Variants in XPO7 observed in about 807,000 individuals in gnomAD.
XPO7 encodes the protein exportin 7.
A neutral mutation model predicts 144.3 loss-of-function variants in XPO7; 21 were observed. That is an observed-to-expected ratio of 0.15 (90% CI 0.10 to 0.21). The LOEUF (loss-of-function observed/expected upper bound fraction) is 0.21, where lower values mean the gene tolerates loss of function less well. Among genes scored for constraint, XPO7 ranks in the 10% least tolerant of loss-of-function variants. The probability of loss-of-function intolerance (pLI) is 1.00; values close to 1 mark genes in which losing one functional copy is unlikely to be tolerated. For synonymous variants in XPO7, 580 were observed against 499.6 expected, an observed-to-expected ratio of 1.16 and a Z score of -2.15; for missense variants, 808 against 1,325.8, an observed-to-expected ratio of 0.61 and a Z score of 6.06.
At chr8:21,989,323 C>T (rs1276260229) in intron 16 of XPO7, among the ~76,000 whole-genome samples, 4 of 152,216 alleles carry the variant, frequency 2.6e-5, no homozygotes, top group African/African-American at 9.6e-5. Flanking sequence ...CTGTCTATTC[C>T]TAAGTTCCAG....
intron 1 of XPO7, among the ~76,000 whole-genome samples, chr8:21,952,252 G>A (rs1811398028): frequency 6.6e-6 from 1 of 151,866 alleles, no homozygotes; most frequent in Non-Finnish European, 1.5e-5. Flanking sequence ...TAGGTAGATA[G>A]GTAGCAACAA....
chr8:21,999,635 T>A lies in XPO7; in HGVS notation c.2743T>A (p.Tyr915Asn). The A allele has an allele frequency of 6.2e-7, 1 of 1,614,050 alleles. No individual in the cohort carries two copies. The highest frequency in any genetic ancestry group is 8.5e-7 in the Non-Finnish European group (1 of 1,179,906). The change falls in exon 24 of 28, where the codon TAT (tyrosine) becomes AAT (asparagine). Residue 915 changes from tyrosine (Y) to asparagine (N), a missense_variant. Tyr to Asn is a moderately radical substitution (Grantham distance 143). Transcript: ENST00000252512. ...IASLEPHVIM[Y>N]ILSSISEGLT... ...AAGCCTGGAACCTCACGTCATCATG[T>A]ATATTCTCTCTTCCATTTCTGAAGG...
At chr8:21,977,894 A>C in intron 8 of XPO7, 51 bp downstream of exon 8, 3 of 1,478,182 alleles carry the variant, frequency 2.0e-6, no homozygotes, top group Non-Finnish European at 2.8e-6. Flanking sequence ...AGAAGATAGC[A>C]ATGGTGAATG....
chr8:21,967,102 A>G (rs1585449492), intron 2 of XPO7, 99 bp downstream of exon 2: 9 of 1,446,066 alleles, frequency 6.2e-6, no homozygotes, highest in Non-Finnish European at 7.3e-6. Context: ...CTGTTCCCTG[A>G]TTTTTCTAGG....
At chr8:21,998,618 T>C in intron 21 of XPO7, 137 bp from the exon 22 acceptor site, 1 of 625,686 alleles carries the variant, frequency 1.6e-6, no homozygotes, top group Non-Finnish European at 2.8e-6. Context: ...AACTTGGTTA[T>C]TCTCATATTA....
intron 21 of XPO7, 83 bp downstream of exon 21, chr8:21,995,682 G>A (rs1812923755): frequency 2.7e-6 from 3 of 1,092,036 alleles, no homozygotes; most frequent in African/African-American, 1.6e-5. Flanking sequence ...TGGGCAGATT[G>A]TGGGAAATAA....
At chr8:21,920,669 C>T (rs569295552) in intron 1 of XPO7, among the ~76,000 whole-genome samples, 3 of 152,266 alleles carry the variant, frequency 2.0e-5, no homozygotes, top group East Asian at 3.9e-4. Context: ...TGGAGGACTG[C>T]AGGGTTTAAT....
rs907280629 is a variant in XPO7, at chr8:21,998,690, C to T, written c.2346-65C>T. On this transcript the variant is annotated intron_variant, in intron 21 of 27. Coordinates refer to ENST00000252512, the MANE Select transcript of XPO7 (RefSeq NM_015024.5). ...TCACCCAAGGTACTCAGATGAGAGC[C>T]TCAAGTACCCCAGTCTTCCAAGAAA... 3.5e-6 allele frequency: 5 copies of T among 1,419,856 alleles called. No homozygotes were observed. The African/African-American group carries it at 4.2e-5, about 12-fold the overall frequency. The allele number at this position is 1,419,856 out of a possible 1,614,324, so 88.0% of individuals were successfully genotyped here.
At chr8:21,989,226 C>T (rs911654351) in intron 16 of XPO7, 143 bp downstream of exon 16, 8 of 766,556 alleles carry the variant, frequency 1.0e-5, no homozygotes, top group African/African-American at 5.3e-5. Context: ...TCCAAAAAAA[C>T]GCCAATGCCC....
chr8:21,959,481 G>A (rs1421314548), intron 1 of XPO7, among the ~76,000 whole-genome samples: 1 of 152,140 alleles, frequency 6.6e-6, no homozygotes, highest in Non-Finnish European at 1.5e-5. Flanking sequence ...GGATTTGTCT[G>A]CCACCTAAAA....
intron 14 of XPO7, 95 bp from the exon 15 acceptor site, chr8:21,987,689 C>T (rs972959835): frequency 2.4e-5 from 32 of 1,357,478 alleles, no homozygotes; most frequent in Non-Finnish European, 3.1e-5. Context: ...TGTCCATTTT[C>T]TTCCACATCT....
rs1242394636 is a variant in XPO7, at chr8:21,995,079, T to G, written c.2238-413T>G. On this transcript the variant is annotated intron_variant, in intron 20 of 27. Transcript: ENST00000252512. ...AAAAAAAAATAAATAATAATAATAA[T>G]AATAATAAACAGCTTTTACAAATTA... 2.0e-5 allele frequency among the ~76,000 whole-genome samples: 3 copies of G among 151,386 alleles called. No homozygotes were observed. The South Asian group carries it at 6.2e-4, about 32-fold the overall frequency.
At chr8:21,987,751 T>C (rs760550395) in intron 14 of XPO7, 33 bp from the exon 15 acceptor site, 8 of 1,610,580 alleles carry the variant, frequency 5.0e-6, no homozygotes, top group African/African-American at 2.7e-5. Flanking sequence ...TTGTAATTCA[T>C]GTGTTCTGGT....
In XPO7 at chr8:21,982,628, A is replaced by G. The variant is rs1381937652; in HGVS notation, c.1105-12A>G. 2 of 1,567,856 alleles carry G rather than the reference A, an allele frequency of 1.3e-6. No homozygotes were observed. On this transcript the variant is annotated splice_polypyrimidine_tract_variant and intron_variant, in intron 10 of 27. Coordinates refer to ENST00000252512, the MANE Select transcript of XPO7 (RefSeq NM_015024.5). ...TGAAAAATATGCCTTCTGCTTTTCT[A>G]CTTTTCTTTAGCACTGGGAATTTGC...
At chr8:22,000,587 G>A (rs1321550194) in intron 24 of XPO7, among the ~76,000 whole-genome samples, 1 of 151,710 alleles carries the variant, frequency 6.6e-6, no homozygotes, top group South Asian at 2.1e-4. Context: ...CAAGTAGCTG[G>A]GACTATAGGC....
At chr8:21,955,637 CA>C (rs1165712978) in intron 1 of XPO7, among the ~76,000 whole-genome samples, 2 of 151,634 alleles carry the variant, frequency 1.3e-5, no homozygotes, top group Non-Finnish European at 2.9e-5. Context: ...GCCGTCCTTC[CA>C]GGGGTTTCCT....
chr8:21,987,645 C>G (rs1812624732), intron 14 of XPO7, 139 bp from the exon 15 acceptor site: 4 of 933,086 alleles, frequency 4.3e-6, no homozygotes, highest in Admixed American at 2.6e-5. Context: ...TGGAAACTAG[C>G]TTATCCCTTC....
At chr8:21,969,323 T>G (rs1317824473) in intron 2 of XPO7, among the ~76,000 whole-genome samples, 160 bp from the exon 3 acceptor site, 1 of 152,190 alleles carries the variant, frequency 6.6e-6, no homozygotes, top group African/African-American at 2.4e-5. Context: ...GCTATGTGGT[T>G]CATTTTTCCT....
intron 23 of XPO7, 50 bp from the exon 24 acceptor site, chr8:21,999,486 C>G (rs370254589): frequency 4.4e-5 from 71 of 1,608,596 alleles, no homozygotes; most frequent in Non-Finnish European, 5.7e-5. Flanking sequence ...TCCCTGCATG[C>G]TGGAGTGCAT....
Sources: allele counts gnomAD v4.1 joint callset (sites outside exome capture counted in the v4.1 genomes callset), GRCh38; gene constraint gnomAD v4.1.1; transcripts MANE v1.5; gene names NCBI Gene and HGNC (gene_info 2026-07-23, HGNC 2026-07-21).